The following INTS10 variants were observed in gnomAD, a reference collection of about 807,000 sequenced individuals.
The protein encoded by INTS10 is chromosome 8 open reading frame 35.
INTS10 carries 44 observed loss-of-function variants against 94.4 expected under a neutral mutation model. The ratio of observed to expected loss-of-function variants is 0.47; its 90% CI spans 0.37 to 0.60. The LOEUF (loss-of-function observed/expected upper bound fraction) is 0.60, where lower values mean the gene tolerates loss of function less well. Among genes scored for constraint, INTS10 ranks in the 20% least tolerant of loss-of-function variants. INTS10 has a pLI of 0.00. For missense variants in INTS10, 797 were observed against 868.7 expected (o/e 0.92, Z 1.04); for synonymous variants, 341 against 320.7 (o/e 1.06, Z -0.68).
chr8:19,830,818 A>G (rs2067170988), intron 10 of INTS10, among the ~76,000 whole-genome samples: 1 of 152,112 alleles, frequency 6.6e-6, no homozygotes, highest in African/African-American at 2.4e-5. Context: ...GACTACAGGC[A>G]CGTGCGACCA....
chr8:19,840,823 A>C (rs895150901), intron 13 of INTS10, among the ~76,000 whole-genome samples: 1 of 152,226 alleles, frequency 6.6e-6, no homozygotes, highest in African/African-American at 2.4e-5. Flanking sequence ...GTTGAAACTC[A>C]TGACCCTGTA....
chr8:19,836,550 A>G (rs1301575236), intron 12 of INTS10, among the ~76,000 whole-genome samples: 6 of 152,138 alleles, frequency 3.9e-5, no homozygotes, highest in Admixed American at 3.3e-4. Flanking sequence ...CTGCATTCCA[A>G]ATCCTTCCTC....
chr8:19,835,024 T>C lies in INTS10; in HGVS notation c.1530+1703T>C, dbSNP rs998644259. 4.0e-5 allele frequency among the ~76,000 whole-genome samples: 6 copies of C among 151,892 alleles called. No homozygotes were observed. In the East Asian group the frequency reaches 5.8e-4, roughly 15 times the overall value. The stretch of plus-strand genomic sequence containing the variant: ...GGCTGTCCCTCCTGATGCCCTCACA[T>C]TGGGGGTTAGGTTTCAACATACAAA... On this transcript the variant is annotated intron_variant, in intron 12 of 16. Transcript: ENST00000397977.
At chr8:19,840,456 AGT>A (rs2068041512) in intron 13 of INTS10, among the ~76,000 whole-genome samples, 1 of 152,174 alleles carries the variant, frequency 6.6e-6, no homozygotes, top group African/African-American at 2.4e-5. Context: ...CTAAAATGTA[AGT>A]GGAAATATTA....
At position 19,845,697 on chromosome 8, in the gene INTS10, C is replaced by G. The variant is rs1205641258; in HGVS notation, c.1883-7C>G. 1 of 1,607,268 alleles carries G rather than the reference C, an allele frequency of 6.2e-7. No individual in the cohort carries two copies. ...TTACATGTGGTTAACCTGAATCTGG[C>G]CTGCAGATATTGATATGCTGGAGGA... On this transcript the variant is annotated splice_region_variant and splice_polypyrimidine_tract_variant and intron_variant, in intron 15 of 16. Coordinates refer to ENST00000397977, the MANE Select transcript of INTS10 (RefSeq NM_018142.4).
At chr8:19,825,698 C>A (rs1417756056) in intron 8 of INTS10, among the ~76,000 whole-genome samples, 1 of 152,138 alleles carries the variant, frequency 6.6e-6, no homozygotes, top group African/African-American at 2.4e-5. Flanking sequence ...AAATCACCCA[C>A]AATCCTTCCA....
At chr8:19,850,606 T>C (rs182407621) in intron 16 of INTS10, among the ~76,000 whole-genome samples, 6 of 152,312 alleles carry the variant, frequency 3.9e-5, no homozygotes, top group Non-Finnish European at 8.8e-5. Context: ...TTAACACTTT[T>C]ATCTTGCCCA....
chr8:19,840,142 T>A (rs2068018524), intron 13 of INTS10, among the ~76,000 whole-genome samples: 1 of 150,226 alleles, frequency 6.7e-6, no homozygotes, highest in Non-Finnish European at 1.5e-5. Context: ...ATGCTATTAA[T>A]AAGCAATTAG....
At chr8:19,845,927 T>A in intron 16 of INTS10, 130 bp downstream of exon 16, 1 of 547,196 alleles carries the variant, frequency 1.8e-6, no homozygotes, top group Admixed American at 3.0e-5. Context: ...TCTGTTATGA[T>A]AGTTTGATTC....
At chr8:19,817,704 A>C in intron 1 of INTS10, 38 bp downstream of exon 1, 1 of 1,581,824 alleles carries the variant, frequency 6.3e-7, no homozygotes, top group Non-Finnish European at 8.6e-7. Flanking sequence ...CTCTGCGTGG[A>C]GGTGCGCGCT....
At position 19,843,424 on chromosome 8, in the gene INTS10, CTTCA is replaced by C. The variant is rs2068301094; in HGVS notation, c.1719+500_1719+503del. On this transcript the variant is annotated intron_variant, in intron 14 of 16. Coordinates refer to ENST00000397977, the MANE Select transcript of INTS10 (RefSeq NM_018142.4). This position sits in a 1 kb window ranked among gnomAD's most constrained non-coding sequence, Gnocchi z 4.7. Reference sequence around the variant, plus strand: ...AGAGCAGAGCCTTAGAGCAGGGAGGCTTCATTGTTTCTGGAAGGTTTGTTGGCCA... The same window carrying C: ...AGAGCAGAGCCTTAGAGCAGGGAGGCTTGTTTCTGGAAGGTTTGTTGGCCA... Among the ~76,000 whole-genome samples the C allele has an allele frequency of 6.6e-6, 1 of 152,140 alleles. No individual in the cohort carries two copies. Among genetic ancestry groups the C allele is most frequent in the Non-Finnish European group, 1.5e-5 (1 of 68,026 alleles).
chr8:19,823,323 A>T lies in INTS10; in HGVS notation c.546A>T (p.Ile182=). ...KLFVCDVLPL[I]INNHDVRLPA... Reference sequence around the variant, plus strand: ...CAGTTTGTGATGTCCTTCCTCTAATAATTAACAACCATGATGTTCGATTAC... The same window carrying T: ...CAGTTTGTGATGTCCTTCCTCTAATTATTAACAACCATGATGTTCGATTAC... Residue 182 remains isoleucine (I), a synonymous_variant, in exon 6 of 17, where the codon ATA becomes ATT. Transcript: ENST00000397977. 1.2e-6 allele frequency: 2 copies of T among 1,608,510 alleles called. No individual in the cohort carries two copies. Among genetic ancestry groups the T allele is most frequent in the South Asian group, 2.2e-5 (2 of 90,900 alleles).
chr8:19,817,779 C>A, intron 1 of INTS10, 113 bp downstream of exon 1: 1 of 1,371,040 alleles, frequency 7.3e-7, no homozygotes. Flanking sequence ...TCCTGCCCGG[C>A]CCCCTGCTTT....
intron 3 of INTS10, 144 bp from the exon 4 acceptor site, chr8:19,820,235 T>C: frequency 1.5e-6 from 1 of 647,356 alleles, no homozygotes; most frequent in Non-Finnish European, 2.4e-6. Context: ...TCCAAAAGGC[T>C]GCCAGGTTGT....
chr8:19,833,933 G>A (rs867408607), intron 12 of INTS10, among the ~76,000 whole-genome samples: 3 of 152,020 alleles, frequency 2.0e-5, no homozygotes, highest in Middle Eastern at 3.4e-3. Flanking sequence ...CTTGAACCTG[G>A]GAGGTGGAGG....
At chr8:19,840,041 C>G (rs1334926643) in intron 13 of INTS10, among the ~76,000 whole-genome samples, 3 of 112,870 alleles carry the variant, frequency 2.7e-5, no homozygotes, top group African/African-American at 3.5e-5. Context: ...CCAGCCTAGG[C>G]GACAGAGTGA....
At chr8:19,833,549 T>C (rs1459376111) in intron 12 of INTS10, among the ~76,000 whole-genome samples, 3 of 152,250 alleles carry the variant, frequency 2.0e-5, no homozygotes, top group Non-Finnish European at 4.4e-5. Flanking sequence ...ACATTTCTTG[T>C]TCATTGTTCC....
intron 8 of INTS10, 139 bp downstream of exon 8, chr8:19,825,111 A>C: frequency 1.5e-6 from 1 of 686,494 alleles, no homozygotes; most frequent in East Asian, 2.8e-5. Flanking sequence ...TTGGCGATTT[A>C]GTTTTGTTTA....
At chr8:19,817,713 C>A in intron 1 of INTS10, 47 bp downstream of exon 1, 1 of 1,570,356 alleles carries the variant, frequency 6.4e-7, no homozygotes, top group Non-Finnish European at 8.6e-7. Context: ...GAGGTGCGCG[C>A]TCCCGTCGCC....
Sources: allele counts gnomAD v4.1 joint callset (sites outside exome capture counted in the v4.1 genomes callset), GRCh38; gene constraint gnomAD v4.1.1; non-coding constraint Gnocchi (gnomAD v3.1); transcripts MANE v1.5; gene names NCBI Gene and HGNC (gene_info 2026-07-23, HGNC 2026-07-21).